The following TANC2 variants were observed in gnomAD, a reference collection of about 807,000 sequenced individuals.
TANC2 encodes tetratricopeptide repeat, ankyrin repeat and coiled-coil containing 2.
In TANC2, 26 loss-of-function variants were observed where a neutral mutation model predicts 210.5. The ratio of observed to expected loss-of-function variants is 0.12; its 90% confidence interval spans 0.09 to 0.17. The LOEUF (loss-of-function observed/expected upper bound fraction) is 0.17, where lower values mean the gene tolerates loss of function less well. Among genes scored for constraint, TANC2 ranks in the 10% least tolerant of loss-of-function variants. The pLI is 1.00. For missense variants in TANC2, 2,129 were observed against 2,608.9 expected (o/e 0.82, Z 4.01); for synonymous variants, 931 against 967.1 (o/e 0.96, Z 0.69).
intron 2 of TANC2, among the ~76,000 whole-genome samples, chr17:63,065,257 T>G (rs2036154657): frequency 6.6e-6 from 1 of 152,224 alleles, no homozygotes; most frequent in Non-Finnish European, 1.5e-5. Flanking sequence ...AGTATTACAT[T>G]GTGTATTCAC....
intron 14 of TANC2, among the ~76,000 whole-genome samples, chr17:63,373,239 T>C (rs2047325312): frequency 6.6e-6 from 1 of 152,152 alleles, no homozygotes; most frequent in African/African-American, 2.4e-5. Context: ...TTGTGCTCTG[T>C]CATGCTTTAA....
At chr17:63,259,482 A>G (rs1294338730) in intron 8 of TANC2, among the ~76,000 whole-genome samples, 1 of 152,184 alleles carries the variant, frequency 6.6e-6, no homozygotes. Context: ...ACAGGGAAAC[A>G]ATCGTTGGAG....
At chr17:63,330,745 G>A (rs371252136) in intron 11 of TANC2, among the ~76,000 whole-genome samples, 8 of 152,180 alleles carry the variant, frequency 5.3e-5, no homozygotes, top group African/African-American at 1.9e-4. Flanking sequence ...TAGCCTCTCT[G>A]AATGGACTTC....
At chr17:63,217,547 C>T (rs2042055894) in intron 7 of TANC2, among the ~76,000 whole-genome samples, 1 of 152,106 alleles carries the variant, frequency 6.6e-6, no homozygotes, top group South Asian at 2.1e-4. Context: ...ACTATCAGAG[C>T]TTACTTGATA....
At chr17:63,095,515 C>T (rs745401003) in intron 3 of TANC2, among the ~76,000 whole-genome samples, 1 of 152,080 alleles carries the variant, frequency 6.6e-6, no homozygotes, top group Non-Finnish European at 1.5e-5. Flanking sequence ...GACTTGGCCT[C>T]CTGCACTCCT....
rs2043569715 is a variant in TANC2, at chr17:63,267,639, A to G, written c.1034-109A>G. ...TATATATATTACATATTTTGCATAT[A>G]TATTTTTTGGCTGGAGTAAGCCCTG... On this transcript the variant is annotated intron_variant, in intron 8 of 27. Coordinates refer to ENST00000689528, the Ensembl canonical transcript of TANC2. The G allele has an allele frequency of 4.0e-6, 4 of 1,006,412 alleles. No individual in the cohort carries two copies. In the Admixed American group the frequency reaches 8.5e-5, roughly 21 times the overall value. 62.3% of individuals were successfully genotyped at this position (1,006,412 alleles called of 1,614,324 possible).
intron 4 of TANC2, among the ~76,000 whole-genome samples, chr17:63,143,977 A>G (rs1025780174): frequency 6.6e-6 from 1 of 152,048 alleles, no homozygotes; most frequent in Non-Finnish European, 1.5e-5. Context: ...ACATAGTGAG[A>G]CCCTGTCTTT....
At chr17:62,999,103 T>C (rs2033252319) in intron 1 of TANC2, among the ~76,000 whole-genome samples, 1 of 152,172 alleles carries the variant, frequency 6.6e-6, no homozygotes. Flanking sequence ...GGGAGGTATT[T>C]GGGTCATGGG....
chr17:63,184,334 A>G (rs73323734), intron 5 of TANC2, among the ~76,000 whole-genome samples: 3,203 of 152,246 alleles, frequency 0.021, 105 homozygotes, highest in African/African-American at 0.072. Flanking sequence ...TTAGAGTAAA[A>G]AAGCATAAAC....
intron 1 of TANC2, among the ~76,000 whole-genome samples, chr17:62,990,248 A>G (rs1416194429): frequency 6.6e-6 from 1 of 152,124 alleles, no homozygotes; most frequent in Non-Finnish European, 1.5e-5. Flanking sequence ...CAGCAAAGGC[A>G]ATGGATGAAC....
chr17:63,104,446 C>T (rs2037746361), intron 4 of TANC2, among the ~76,000 whole-genome samples: 1 of 152,110 alleles, frequency 6.6e-6, no homozygotes, highest in Non-Finnish European at 1.5e-5. Flanking sequence ...AAAACTGGTA[C>T]AACCATTTTT....
In TANC2 at chr17:63,420,467, C is replaced by T. The variant is rs765101683; in HGVS notation, c.4737C>T (p.Asn1579=). 1.9e-6 allele frequency: 3 copies of T among 1,614,022 alleles called. No homozygotes were observed. The African/African-American group carries it at 4.0e-5, about 22-fold the overall frequency. ...CTGCCCTTTCTCCAACTCATCAGAA[C>T]TCACATTACAGGCCTAGCCCACCAC... Residue 1579 remains asparagine, a synonymous_variant, in exon 28 of 28, where the codon AAC becomes AAT. Coordinates refer to ENST00000689528, the Ensembl canonical transcript of TANC2. This position sits in a 1 kb window ranked among gnomAD's most constrained non-coding sequence, Gnocchi z 4.2.
At chr17:63,076,203 C>T (rs991473778) in intron 3 of TANC2, among the ~76,000 whole-genome samples, 1 of 152,106 alleles carries the variant, frequency 6.6e-6, no homozygotes, top group Non-Finnish European at 1.5e-5. Context: ...AACTCCTCAC[C>T]CCTAACCAAA....
intron 14 of TANC2, among the ~76,000 whole-genome samples, chr17:63,361,589 G>A (rs1016810304): frequency 1.3e-5 from 2 of 152,234 alleles, no homozygotes; most frequent in African/African-American, 2.4e-5. Flanking sequence ...GAGACACCAG[G>A]AACTGCTGAG....
intron 5 of TANC2, among the ~76,000 whole-genome samples, chr17:63,189,442 C>A (rs2440140): frequency 0.6 from 90,905 of 152,064 alleles, 29,671 homozygotes; most frequent in African/African-American, 0.86. Flanking sequence ...TTTTGTTTTA[C>A]CCATCCTAGT....
intron 4 of TANC2, among the ~76,000 whole-genome samples, chr17:63,106,127 G>A (rs1259171550): frequency 6.6e-6 from 1 of 151,490 alleles, no homozygotes; most frequent in Non-Finnish European, 1.5e-5. Flanking sequence ...AACAGTGTAG[G>A]ATTGGAAAAA....
chr17:63,397,770 G>C (rs1257976388), intron 18 of TANC2, among the ~76,000 whole-genome samples: 1 of 152,156 alleles, frequency 6.6e-6, no homozygotes, highest in East Asian at 1.9e-4. Flanking sequence ...GTAAGATATA[G>C]TTAAATAATA....
At chr17:63,109,885 C>T (rs773815706) in intron 4 of TANC2, among the ~76,000 whole-genome samples, 2 of 151,606 alleles carry the variant, frequency 1.3e-5, no homozygotes, top group Non-Finnish European at 2.9e-5. Context: ...TAGAACTATA[C>T]GACATAAATT....
intron 13 of TANC2, among the ~76,000 whole-genome samples, chr17:63,351,727 T>C (rs547064466): frequency 2.2e-4 from 33 of 152,118 alleles, no homozygotes; most frequent in African/African-American, 8.0e-4. Context: ...CTCTAACACT[T>C]TGACTTTCGT....
Sources: gnomAD v4.1 joint callset for allele counts (sites outside exome capture counted in the v4.1 genomes callset) on GRCh38, gnomAD v4.1.1 for gene constraint, Gnocchi (gnomAD v3.1) non-coding constraint, MANE v1.5 for transcripts, NCBI Gene and HGNC (gene_info 2026-07-23, HGNC 2026-07-21) for gene names.